Variants in LRRC49 observed in about 807,000 individuals in gnomAD.
LRRC49 encodes the protein leucine-rich repeat-containing protein 49.
In LRRC49, 50 loss-of-function variants were observed where a neutral mutation model predicts 83.3. The observed-to-expected ratio is 0.60, with a 90% CI of 0.48 to 0.76. The LOEUF (loss-of-function observed/expected upper bound fraction) is 0.76, where lower values mean the gene tolerates loss of function less well. Among genes scored for constraint, LRRC49 ranks in the 30% least tolerant of loss-of-function variants. The pLI, the probability that LRRC49 is intolerant of heterozygous loss-of-function variation, is 0.00. For missense variants in LRRC49, 704 were observed against 809.1 expected (o/e 0.87, Z 1.58); for synonymous variants, 286 against 283.3 (o/e 1.01, Z -0.10).
At chr15:71,004,003 A>C (rs1318563269) in intron 11 of LRRC49, among the ~76,000 whole-genome samples, 1 of 152,194 alleles carries the variant, frequency 6.6e-6, no homozygotes, top group East Asian at 1.9e-4. Flanking sequence ...GAGAGCAGAG[A>C]GCATATCTTA....
At chr15:71,003,042 A>G (rs879800272) in intron 11 of LRRC49, among the ~76,000 whole-genome samples, 2 of 142,190 alleles carry the variant, frequency 1.4e-5, no homozygotes, top group African/African-American at 2.6e-5. Context: ...GGTTCAAGCA[A>G]TTCTCCTGCC....
At position 71,044,248 on chromosome 15, in the gene LRRC49, C is replaced by CT. The variant is rs1303502734; in HGVS notation, c.1858-5159dup. 4.6e-5 allele frequency among the ~76,000 whole-genome samples: 7 copies of CT among 152,290 alleles called. No homozygotes were observed. In the East Asian group the frequency reaches 1.4e-3, roughly 29 times the overall value. On this transcript the variant is annotated intron_variant, in intron 15 of 15. Transcript: ENST00000260382. The stretch of plus-strand genomic sequence containing the variant: ...AGAGGCCAGCTGGAACCATTTGTTG[C>CT]TTATCACACATCAAAAATCTGTACA...
At chr15:70,973,859 T>C (rs1399071457) in intron 9 of LRRC49, among the ~76,000 whole-genome samples, 1 of 152,126 alleles carries the variant, frequency 6.6e-6, no homozygotes, top group Admixed American at 6.5e-5. Flanking sequence ...CCCAGTGCGG[T>C]GGCTTACTCC....
chr15:70,982,704 A>G (rs2037448255), intron 10 of LRRC49, among the ~76,000 whole-genome samples: 1 of 152,108 alleles, frequency 6.6e-6, no homozygotes, highest in African/African-American at 2.4e-5. Context: ...ACAGCTTTCA[A>G]CTCCTGGGTT....
chr15:71,014,360 G>A lies in LRRC49; in HGVS notation c.1703+1447G>A, dbSNP rs143475076. On this transcript the variant is annotated intron_variant, in intron 14 of 15. Coordinates refer to ENST00000260382, the MANE Select transcript of LRRC49 (RefSeq NM_017691.5). ...AATAAAAATTGATGGAAAAATACAC[G>A]TTTGTGTGTATTAAAATATTAAGGG... is the stretch of plus-strand genomic sequence containing the variant. 7.9e-5 allele frequency among the ~76,000 whole-genome samples: 12 copies of A among 152,104 alleles called. No individual in the cohort carries two copies. In the East Asian group the frequency reaches 1.9e-3, roughly 24 times the overall value.
rs146143440 is a variant in LRRC49 at position 70,861,030 on chromosome 15, C to T, written c.-299+7561C>T. ...TTGAGGAGAGTTGAACCAGCAAACA[C>T]GCTCTGGATTTGTTTGCTGGGCTGT... On this transcript the variant is annotated intron_variant, in intron 1 of 16. Coordinates refer to the LRRC49 transcript ENST00000544974. Among the ~76,000 whole-genome samples the T allele has an allele frequency of 9.0e-4, 137 of 152,246 alleles. 1 individual carries two copies. The highest frequency in any genetic ancestry group is 3.1e-3 in the African/African-American group (129 of 41,526).
At chr15:70,890,237 T>C (rs1416800787), upstream of LRRC49, among the ~76,000 whole-genome samples, 2 of 152,166 alleles carry the variant, frequency 1.3e-5, no homozygotes, top group African/African-American at 4.8e-5. Context: ...TTAGTATTTA[T>C]CTCTCTTGCT....
chr15:70,898,200 G>A (rs1255467870), intron 3 of LRRC49, among the ~76,000 whole-genome samples: 1 of 152,144 alleles, frequency 6.6e-6, no homozygotes, highest in African/African-American at 2.4e-5. Flanking sequence ...AGCATACAGT[G>A]CAGTGAACAT....
chr15:70,892,488 G>T, upstream of LRRC49: 3 of 1,528,052 alleles, frequency 2.0e-6, no homozygotes, highest in Non-Finnish European at 2.6e-6. Context: ...TCCCTGCGCT[G>T]CTCCCCAGGA....
chr15:70,891,211 G>A (rs908546092), upstream of LRRC49, among the ~76,000 whole-genome samples: 2 of 152,206 alleles, frequency 1.3e-5, no homozygotes, highest in African/African-American at 4.8e-5. Context: ...GATGCAAAAT[G>A]AGTGCAAACA....
intron 8 of LRRC49, among the ~76,000 whole-genome samples, chr15:70,955,753 A>G (rs2036377482): frequency 6.6e-6 from 1 of 152,156 alleles, no homozygotes; most frequent in Admixed American, 6.5e-5. Context: ...TTAGCAGATC[A>G]TGAATGCATT....
intron 12 of LRRC49, 44 bp from the exon 13 acceptor site, chr15:71,009,763 T>G (rs1479823585): frequency 7.5e-7 from 1 of 1,336,724 alleles, no homozygotes; most frequent in Non-Finnish European, 1.0e-6. Flanking sequence ...TTCAATATGG[T>G]TAAAATCAAT....
At chr15:70,924,059 G>A (rs910419113) in intron 7 of LRRC49, among the ~76,000 whole-genome samples, 1 of 151,814 alleles carries the variant, frequency 6.6e-6, no homozygotes, top group Admixed American at 6.6e-5. Flanking sequence ...ATCATGCATT[G>A]CATTCAGTTG....
rs539119102 is a variant in LRRC49, at chr15:70,936,508, A to G, written c.712-253A>G. 28 of 372,172 alleles carry G rather than the reference A, an allele frequency of 7.5e-5. No homozygotes were observed. The South Asian group carries it at 2.4e-3, about 32-fold the overall frequency. The allele number at this position is 372,172 out of a possible 1,614,324, so 23.1% of individuals were successfully genotyped here. Reference sequence around the variant, plus strand: ...TCCCAAAAGCATGCTTAAAGAGGCTAGCGGCAGCGTCTCTCCCTGTCTCCT... The same window carrying G: ...TCCCAAAAGCATGCTTAAAGAGGCTGGCGGCAGCGTCTCTCCCTGTCTCCT... On this transcript the variant is annotated intron_variant, in intron 7 of 15. Coordinates refer to ENST00000260382, the MANE Select transcript of LRRC49 (RefSeq NM_017691.5).
chr15:71,040,833 A>G (rs940334877), intron 15 of LRRC49, among the ~76,000 whole-genome samples: 13 of 151,670 alleles, frequency 8.6e-5, no homozygotes, highest in African/African-American at 2.9e-4. Flanking sequence ...AAAAAAAAAA[A>G]AAAAAAGGAT....
At chr15:70,968,973 G>A (rs997993839) in intron 9 of LRRC49, among the ~76,000 whole-genome samples, 3 of 152,120 alleles carry the variant, frequency 2.0e-5, no homozygotes, top group African/African-American at 2.4e-5. Flanking sequence ...CTGTGCAGAA[G>A]CTCTTTTGTT....
At chr15:70,943,599 G>A (rs1362583803) in intron 8 of LRRC49, among the ~76,000 whole-genome samples, 1 of 152,204 alleles carries the variant, frequency 6.6e-6, no homozygotes, top group Non-Finnish European at 1.5e-5. Context: ...CATGCACAGT[G>A]TGTTTACTGG....
chr15:70,984,840 T>C (rs2037542468), intron 11 of LRRC49, among the ~76,000 whole-genome samples: 1 of 146,174 alleles, frequency 6.8e-6, no homozygotes, highest in African/African-American at 2.5e-5. Context: ...CCATGTGTTC[T>C]CATTGTTCAG....
chr15:70,854,324 C>T (rs1162347452), intron 1 of LRRC49, among the ~76,000 whole-genome samples: 1 of 151,982 alleles, frequency 6.6e-6, no homozygotes, highest in Non-Finnish European at 1.5e-5. Context: ...TGGAGGGCGG[C>T]TTTCCGGAGC....
Sources: gnomAD v4.1 joint callset for allele counts (sites outside exome capture counted in the v4.1 genomes callset) on GRCh38, gnomAD v4.1.1 for gene constraint, MANE v1.5 for transcripts, NCBI Gene and HGNC (gene_info 2026-07-23, HGNC 2026-07-21) for gene names.